Variants in ACACA observed in about 807,000 individuals in gnomAD.
The protein encoded by ACACA is acetyl-CoA carboxylase 1.
ACACA carries 103 observed loss-of-function variants against 296.1 expected under a neutral mutation model. The ratio of observed to expected loss-of-function variants is 0.35; its 90% CI spans 0.30 to 0.41. The LOEUF is 0.41. Among genes scored for constraint, ACACA ranks in the 10% least tolerant of loss-of-function variants. The pLI is 1.00. For missense variants in ACACA, 1,554 were observed against 2,989.7 expected (o/e 0.52, Z 11.20); for synonymous variants, 953 against 1,038.6 (o/e 0.92, Z 1.58).
At chr17:37,255,523 G>A (rs941540107) in intron 14 of ACACA, among the ~76,000 whole-genome samples, 4 of 152,140 alleles carry the variant, frequency 2.6e-5, no homozygotes, top group African/African-American at 9.7e-5. Context: ...GTACAGAGCT[G>A]GTCAGAAATA....
intron 14 of ACACA, among the ~76,000 whole-genome samples, chr17:37,254,134 AGAAC>A (rs2081119087): frequency 6.9e-6 from 1 of 145,284 alleles, no homozygotes; most frequent in African/African-American, 2.7e-5. Context: ...TAAGGAAGAA[AGAAC>A]ATAAATACAA....
intron 1 of ACACA, chr17:37,379,504 GT>G (rs911189609): frequency 7.7e-7 from 1 of 1,298,356 alleles, no homozygotes; most frequent in African/African-American, 1.5e-5. Flanking sequence ...TGATGGGGTT[GT>G]TTGTTTTTTT....
intron 24 of ACACA, among the ~76,000 whole-genome samples, chr17:37,237,766 G>GTC (rs61593212): frequency 0.35 from 53,602 of 151,746 alleles, 12,403 homozygotes; most frequent in African/African-American, 0.65. Context: ...TATATTTTCA[G>GTC]TCTCTTTTTT....
At chr17:37,191,364 C>A (rs2077743107) in intron 37 of ACACA, 89 bp from the exon 38 acceptor site, 2 of 1,298,028 alleles carry the variant, frequency 1.5e-6, no homozygotes, top group Non-Finnish European at 1.1e-6. Context: ...AGCAGTATAT[C>A]ATGAATCATA....
chr17:37,239,264 T>C (rs945034398), intron 24 of ACACA, among the ~76,000 whole-genome samples: 1 of 152,266 alleles, frequency 6.6e-6, no homozygotes, highest in African/African-American at 2.4e-5. Flanking sequence ...ATAATCAATC[T>C]GTGAATCCTT....
chr17:37,164,875 C>T (rs762856627), intron 41 of ACACA, among the ~76,000 whole-genome samples: 13 of 152,172 alleles, frequency 8.5e-5, no homozygotes, highest in South Asian at 8.3e-4. Context: ...GAATCTACTT[C>T]AGCATTTGTG....
chr17:37,403,094 C>G (rs1290589963), intron 1 of ACACA, among the ~76,000 whole-genome samples: 1 of 152,216 alleles, frequency 6.6e-6, no homozygotes, highest in Non-Finnish European at 1.5e-5. Flanking sequence ...AGGTAAGACA[C>G]ACAGCCAAAT....
chr17:37,244,967 G>C, intron 20 of ACACA, 113 bp downstream of exon 20: 1 of 1,502,226 alleles, frequency 6.7e-7, no homozygotes, highest in Non-Finnish European at 9.3e-7. Context: ...AGATTAATAG[G>C]GGACAAAGCT....
intron 1 of ACACA, among the ~76,000 whole-genome samples, chr17:37,355,614 G>A (rs1281529539): frequency 6.6e-6 from 1 of 151,922 alleles, no homozygotes; most frequent in Non-Finnish European, 1.5e-5. Context: ...CCAGCAATTT[G>A]GGAGGCTGAG....
intron 45 of ACACA, 41 bp from the exon 46 acceptor site, chr17:37,130,259 A>T (rs1255991601): frequency 6.2e-7 from 1 of 1,611,548 alleles, no homozygotes; most frequent in South Asian, 1.1e-5. Flanking sequence ...GTCTCTATAG[A>T]AATAAAGGCA....
intron 27 of ACACA, among the ~76,000 whole-genome samples, chr17:37,224,172 A>G (rs1388653537): frequency 6.6e-6 from 1 of 152,260 alleles, no homozygotes; most frequent in Non-Finnish European, 1.5e-5. Context: ...ACTGCACTCC[A>G]GCCTGGGCAA....
intron 25 of ACACA, among the ~76,000 whole-genome samples, chr17:37,234,437 G>T (rs2080012359): frequency 6.6e-6 from 1 of 151,770 alleles, no homozygotes; most frequent in South Asian, 2.1e-4. Flanking sequence ...TAAGTTATAG[G>T]GAAAAAAATC....
At chr17:37,242,787 C>T (rs1390272613) in intron 22 of ACACA, among the ~76,000 whole-genome samples, 5 of 151,388 alleles carry the variant, frequency 3.3e-5, no homozygotes, top group African/African-American at 1.2e-4. Flanking sequence ...GCCTGTAATC[C>T]CAGCACTTTG....
At chr17:37,147,595 T>C (rs1319812673) in intron 45 of ACACA, among the ~76,000 whole-genome samples, 2 of 152,160 alleles carry the variant, frequency 1.3e-5, no homozygotes, top group Non-Finnish European at 2.9e-5. Flanking sequence ...CTGAACGAAT[T>C]TGCATAAAAT....
chr17:37,092,590 G>A (rs1349448051), intron 54 of ACACA, among the ~76,000 whole-genome samples: 1 of 152,174 alleles, frequency 6.6e-6, no homozygotes, highest in African/African-American at 2.4e-5. Context: ...GACCTGTTTG[G>A]AAAGTTTCAT....
At chr17:37,329,467 C>T (rs765598506) in intron 3 of ACACA, among the ~76,000 whole-genome samples, 5 of 151,750 alleles carry the variant, frequency 3.3e-5, no homozygotes, top group Non-Finnish European at 7.4e-5. Flanking sequence ...TGGCGAAACC[C>T]GGTGTCTATC....
chr17:37,357,343 AT>A (rs2049188337), intron 1 of ACACA, among the ~76,000 whole-genome samples: 1 of 152,146 alleles, frequency 6.6e-6, no homozygotes, highest in South Asian at 2.1e-4. Context: ...AAATACAAAA[AT>A]TAGCCAGGCG....
intron 1 of ACACA, among the ~76,000 whole-genome samples, chr17:37,352,286 G>A (rs751472204): frequency 3.9e-5 from 6 of 152,088 alleles, no homozygotes; most frequent in Admixed American, 2.6e-4. Flanking sequence ...AAACTAAGTC[G>A]TTATTTCAAA....
At chr17:37,404,197 C>T (rs900856025) in intron 1 of ACACA, among the ~76,000 whole-genome samples, 2 of 152,118 alleles carry the variant, frequency 1.3e-5, no homozygotes, top group African/African-American at 4.8e-5. Flanking sequence ...TGGATATTTG[C>T]CTTAGCCAGT....
Sources: allele counts gnomAD v4.1 joint callset (sites outside exome capture counted in the v4.1 genomes callset), GRCh38; gene constraint gnomAD v4.1.1; transcripts MANE v1.5; gene names NCBI Gene and HGNC (gene_info 2026-07-23, HGNC 2026-07-21).